CTNNA3: variants seen among roughly 807,000 people sequenced by gnomAD.
CTNNA3 encodes catenin alpha 3, also known as catenin alpha-3.
CTNNA3 carries 76 observed loss-of-function variants against 95.7 expected under a neutral mutation model. The observed-to-expected ratio is 0.79, with a 90% CI of 0.66 to 0.96. The LOEUF is 0.96. Ranked by LOEUF, CTNNA3 falls within the 40% of genes least tolerant of loss-of-function variation. The pLI is 0.00. For missense variants in CTNNA3, 1,191 were observed against 1,089.8 expected (o/e 1.09, Z -1.31); for synonymous variants, 431 against 374.4 (o/e 1.15, Z -1.74).
At chr10:66,148,038 A>G (rs1442551621) in intron 13 of CTNNA3, among the ~76,000 whole-genome samples, 1 of 151,340 alleles carries the variant, frequency 6.6e-6, no homozygotes, top group Non-Finnish European at 1.5e-5. Flanking sequence ...TTTATTTCCT[A>G]TATCCTTGAT....
chr10:66,862,415 T>C (rs572202856), intron 7 of CTNNA3, among the ~76,000 whole-genome samples: 3 of 152,194 alleles, frequency 2.0e-5, no homozygotes, highest in East Asian at 1.9e-4. Context: ...ATATGAGGTA[T>C]GAATAAAAAT....
At chr10:66,785,354 C>T (rs1449711372) in intron 7 of CTNNA3, among the ~76,000 whole-genome samples, 2 of 152,244 alleles carry the variant, frequency 1.3e-5, no homozygotes, top group African/African-American at 4.8e-5. Context: ...GAATAAAATT[C>T]GCATCTGGAT....
chr10:66,473,474 A>G (rs1394570965), intron 11 of CTNNA3, among the ~76,000 whole-genome samples: 1 of 151,982 alleles, frequency 6.6e-6, no homozygotes, highest in Non-Finnish European at 1.5e-5. Context: ...TGAGTCAATT[A>G]AACCTCTTTC....
At chr10:67,081,063 T>C (rs1857037129) in intron 7 of CTNNA3, among the ~76,000 whole-genome samples, 1 of 152,230 alleles carries the variant, frequency 6.6e-6, no homozygotes, top group Admixed American at 6.5e-5. Flanking sequence ...TAAACTATGA[T>C]GCTTTCCAGT....
In CTNNA3 at chr10:66,640,824, C is replaced by A. The variant is rs192038598; in HGVS notation, c.1282-19040G>T. 6.8e-4 allele frequency among the ~76,000 whole-genome samples: 103 copies of A among 152,104 alleles called. No individual in the cohort carries two copies. In the East Asian group the frequency reaches 0.015, roughly 21 times the overall value. ...GTTCTCCTCCCAACTGGGATGCAGACAAAATACCAAGAGGGCAGACATAAT... is the reference window on the plus strand; with the variant it reads ...GTTCTCCTCCCAACTGGGATGCAGAAAAAATACCAAGAGGGCAGACATAAT... On this transcript the variant is annotated intron_variant, in intron 9 of 17. Coordinates refer to ENST00000433211, the MANE Select transcript of CTNNA3 (RefSeq NM_013266.4).
intron 9 of CTNNA3, among the ~76,000 whole-genome samples, chr10:66,691,445 A>G (rs2132537787): frequency 1.3e-5 from 2 of 152,306 alleles, no homozygotes; most frequent in African/African-American, 4.8e-5. Context: ...TTAGGTAAAC[A>G]AAGCATCCGG....
intron 1 of CTNNA3, among the ~76,000 whole-genome samples, chr10:67,746,874 G>A (rs977288320): frequency 6.6e-6 from 1 of 152,180 alleles, no homozygotes; most frequent in Non-Finnish European, 1.5e-5. Context: ...GAAGTGGTGG[G>A]GGCAGGAGCC....
In CTNNA3 at chr10:66,270,856, G is replaced by T. The variant is rs557729605; in HGVS notation, c.1884+9614C>A. ...GCCTGTCTGAGGAATTAGGGGAACAGCCAGCAGGCCAATGTGTCTGAATCT... is the reference window on the plus strand; with the variant it reads ...GCCTGTCTGAGGAATTAGGGGAACATCCAGCAGGCCAATGTGTCTGAATCT... On this transcript the variant is annotated intron_variant, in intron 13 of 17. Transcript: ENST00000433211. Among the ~76,000 whole-genome samples the T allele has an allele frequency of 1.6e-4, 25 of 152,246 alleles. No individual in the cohort carries two copies. In the South Asian group the frequency reaches 5.2e-3, roughly 32 times the overall value.
chr10:66,481,269 A>C (rs2131901676), intron 11 of CTNNA3, among the ~76,000 whole-genome samples: 1 of 152,222 alleles, frequency 6.6e-6, no homozygotes, highest in Admixed American at 6.5e-5. Flanking sequence ...ACAGTTTTTT[A>C]ATGCAAGTTT....
chr10:67,559,910 A>G (rs1191085143), intron 3 of CTNNA3, among the ~76,000 whole-genome samples: 1 of 152,202 alleles, frequency 6.6e-6, no homozygotes, highest in Non-Finnish European at 1.5e-5. Context: ...AAATGAATGA[A>G]ATGAAGCGAG....
chr10:66,699,695 C>A (rs1180849665), intron 9 of CTNNA3, among the ~76,000 whole-genome samples: 1 of 146,982 alleles, frequency 6.8e-6, no homozygotes, highest in Admixed American at 6.9e-5. Context: ...GAGTTTTGCT[C>A]TTGTTGCCCA....
chr10:66,049,574 A>G (rs1237276003), intron 15 of CTNNA3, among the ~76,000 whole-genome samples: 3 of 152,242 alleles, frequency 2.0e-5, no homozygotes, highest in Non-Finnish European at 4.4e-5. Context: ...TGGATAGAGA[A>G]AATGTGGTAC....
At chr10:66,419,083 T>A (rs1184408234) in intron 11 of CTNNA3, among the ~76,000 whole-genome samples, 1 of 151,978 alleles carries the variant, frequency 6.6e-6, no homozygotes, top group African/African-American at 2.4e-5. Context: ...AGTCAAATTG[T>A]CCCTCTTTGC....
chr10:66,419,070 G>T (rs2093169897), intron 11 of CTNNA3, among the ~76,000 whole-genome samples: 2 of 152,002 alleles, frequency 1.3e-5, no homozygotes, highest in South Asian at 4.1e-4. Context: ...TTCAAAAAGA[G>T]AAAGTCAAAT....
intron 7 of CTNNA3, among the ~76,000 whole-genome samples, chr10:67,158,659 C>T (rs965236452): frequency 1.3e-5 from 2 of 152,030 alleles, no homozygotes; most frequent in South Asian, 4.2e-4. Context: ...AAAATCAGTT[C>T]CCAGCACTAG....
At chr10:66,631,799 T>G (rs949643180) in intron 9 of CTNNA3, among the ~76,000 whole-genome samples, 1 of 152,170 alleles carries the variant, frequency 6.6e-6, no homozygotes, top group Middle Eastern at 3.2e-3. Context: ...AACAAATAAC[T>G]ATATTTATTC....
intron 13 of CTNNA3, among the ~76,000 whole-genome samples, chr10:66,188,717 G>A (rs1468492351): frequency 6.6e-6 from 1 of 151,646 alleles, no homozygotes; most frequent in Non-Finnish European, 1.5e-5. Context: ...GCAATAAGCA[G>A]GAGAGTGTAG....
intron 13 of CTNNA3, among the ~76,000 whole-genome samples, chr10:66,216,790 G>A (rs1249321836): frequency 6.6e-6 from 1 of 152,180 alleles, no homozygotes; most frequent in South Asian, 2.1e-4. Context: ...TCTTCCAATG[G>A]TTCTGTGGTA....
chr10:66,954,404 C>T (rs1000656000), intron 7 of CTNNA3, among the ~76,000 whole-genome samples: 8 of 152,236 alleles, frequency 5.3e-5, no homozygotes, highest in East Asian at 1.9e-4. Context: ...GAAATAAAAA[C>T]GCTTAAAATA....
Sources: gnomAD v4.1 joint callset for allele counts (sites outside exome capture counted in the v4.1 genomes callset) on GRCh38, gnomAD v4.1.1 for gene constraint, MANE v1.5 for transcripts, NCBI Gene and HGNC (gene_info 2026-07-23, HGNC 2026-07-21) for gene names.